The following FAM174A variants were observed in gnomAD, a reference collection of about 807,000 sequenced individuals.
FAM174A encodes the protein membrane protein FAM174A.
Under a neutral mutation model 14.3 loss-of-function variants are expected in FAM174A, and 14 were observed. The ratio of observed to expected loss-of-function variants is 0.98; its 90% confidence interval spans 0.65 to 1.53. The LOEUF is 1.53. Ranked by LOEUF, FAM174A falls within the 40% of genes most tolerant of loss-of-function variation. The pLI is 0.00. For missense variants in FAM174A, 241 were observed against 249.6 expected, an observed-to-expected ratio of 0.97 and a Z score of 0.23; for synonymous variants, 108 against 111.4, an observed-to-expected ratio of 0.97 and a Z score of 0.19.
At chr5:100,556,044 T>C (rs1746371779) in intron 1 of FAM174A, among the ~76,000 whole-genome samples, 1 of 152,226 alleles carries the variant, frequency 6.6e-6, no homozygotes, top group Admixed American at 6.5e-5. Flanking sequence ...TGGTATTGCC[T>C]AGGTTTTCTT....
chr5:100,569,645 G>A (rs1010964017), intron 2 of FAM174A, among the ~76,000 whole-genome samples: 2 of 151,816 alleles, frequency 1.3e-5, no homozygotes, highest in African/African-American at 4.8e-5. Flanking sequence ...AATTGAAGGT[G>A]CCTATAAGAT....
chr5:100,565,368 A>G (rs891491412), intron 2 of FAM174A, among the ~76,000 whole-genome samples: 7 of 152,072 alleles, frequency 4.6e-5, no homozygotes, highest in African/African-American at 1.7e-4. Context: ...GATAATCATC[A>G]GAGTGAAAAG....
intron 1 of FAM174A, among the ~76,000 whole-genome samples, chr5:100,541,397 A>G (rs1006931539): frequency 9.2e-5 from 14 of 152,172 alleles, no homozygotes; most frequent in African/African-American, 3.4e-4. Flanking sequence ...CTAAATATTT[A>G]TCTCTAATCA....
intron 1 of FAM174A, among the ~76,000 whole-genome samples, chr5:100,552,758 G>T (rs930160860): frequency 1.3e-5 from 2 of 152,062 alleles, no homozygotes; most frequent in African/African-American, 4.8e-5. Flanking sequence ...ACTAACCTGA[G>T]TGTATTGGAA....
intron 2 of FAM174A, among the ~76,000 whole-genome samples, chr5:100,566,174 A>G (rs1019772569): frequency 2.8e-5 from 4 of 141,770 alleles, no homozygotes; most frequent in Non-Finnish European, 4.6e-5. Flanking sequence ...ATATATATGT[A>G]CATATAATAT....
At chr5:100,539,333 A>ATGT (rs1580361397) in intron 1 of FAM174A, among the ~76,000 whole-genome samples, 2 of 152,194 alleles carry the variant, frequency 1.3e-5, no homozygotes, top group East Asian at 3.8e-4. Context: ...ATAGATAAGT[A>ATGT]CATAAAGGAT....
In FAM174A at chr5:100,562,040, G is replaced by T. The variant is rs761383534; in HGVS notation, c.435-14G>T. ...TTAAATAATTTTTATTCATTAATTT[G>T]TTCTATTTGATAGGATGAGAAGAAG... On this transcript the variant is annotated splice_polypyrimidine_tract_variant and intron_variant, in intron 1 of 2. Transcript: ENST00000312637. The T allele has an allele frequency of 1.1e-5, 16 of 1,458,138 alleles. 1 individual carries two copies. Among genetic ancestry groups the T allele is most frequent in the Middle Eastern group, 1.8e-4 (1 of 5,516 alleles). 90.3% of individuals were successfully genotyped at this position (1,458,138 alleles called of 1,614,324 possible). A position where few individuals can be genotyped will look rare whatever the true frequency, so the allele number is the denominator to read the frequency against.
intron 1 of FAM174A, among the ~76,000 whole-genome samples, chr5:100,536,835 C>A (rs948742103): frequency 6.6e-5 from 10 of 152,092 alleles, no homozygotes; most frequent in African/African-American, 2.4e-4. Context: ...TTAAACAAGT[C>A]GTTATTATCA....
At chr5:100,572,338 T>C (rs1201677859) in intron 2 of FAM174A, among the ~76,000 whole-genome samples, 1 of 150,896 alleles carries the variant, frequency 6.6e-6, no homozygotes, top group Non-Finnish European at 1.5e-5. Flanking sequence ...GCCATGCTGG[T>C]GCGCTGCACC....
intron 1 of FAM174A, among the ~76,000 whole-genome samples, chr5:100,538,406 TA>T (rs1235299260): frequency 1.3e-5 from 2 of 152,192 alleles, no homozygotes; most frequent in Non-Finnish European, 2.9e-5. Context: ...GTTTTGTTTT[TA>T]TCTAATTCAT....
At chr5:100,582,841 A>C (rs1345223808) in intron 2 of FAM174A, among the ~76,000 whole-genome samples, 1 of 152,140 alleles carries the variant, frequency 6.6e-6, no homozygotes, top group Non-Finnish European at 1.5e-5. Flanking sequence ...AAATAACTGT[A>C]TTTATAGGAA....
chr5:100,556,500 G>T (rs1167408546), intron 1 of FAM174A, among the ~76,000 whole-genome samples: 4 of 152,114 alleles, frequency 2.6e-5, no homozygotes, highest in African/African-American at 9.7e-5. Flanking sequence ...TAGCTTGATG[G>T]GGATGGCATT....
Position 100,586,449 on chromosome 5 carries a change from G to A in FAM174A, c.*265G>A, listed in dbSNP as rs768410385. 7.1e-5 allele frequency: 17 copies of A among 238,300 alleles called. No homozygotes were observed. Among genetic ancestry groups the A allele is most frequent in the Admixed American group, 1.1e-4 (2 of 17,746 alleles). 14.8% of individuals were successfully genotyped at this position (238,300 alleles called of 1,614,324 possible). A position where few individuals can be genotyped will look rare whatever the true frequency, so the allele number is the denominator to read the frequency against. ...ATCTGTTTGAAAATTACTATAAAAC[G>A]GTGTTTTCTGATCGGTTTTTGTTTC... On this transcript the variant is annotated 3_prime_UTR_variant, in exon 3 of 3. Transcript: ENST00000312637.
At chr5:100,582,924 AT>A (rs1484505436) in intron 2 of FAM174A, among the ~76,000 whole-genome samples, 1 of 152,158 alleles carries the variant, frequency 6.6e-6, no homozygotes, top group African/African-American at 2.4e-5. Flanking sequence ...ACAGTCAAAA[AT>A]CCACGTGTAA....
Position 100,535,376 on chromosome 5 carries a change from C to G in FAM174A, c.-155C>G. The G allele has an allele frequency of 1.3e-6, 1 of 752,130 alleles. No individual in the cohort carries two copies. Among genetic ancestry groups the G allele is most frequent in the Non-Finnish European group, 2.2e-6 (1 of 460,592 alleles). The allele number at this position is 752,130 out of a possible 1,614,324, so 46.6% of individuals were successfully genotyped here. ...TACGAACTTCCGGTTCTCCGGGCAGCTGCCACTGCTGTAGCTTCTGCCACC... is the reference window on the plus strand; with the variant it reads ...TACGAACTTCCGGTTCTCCGGGCAGGTGCCACTGCTGTAGCTTCTGCCACC... On this transcript the variant is annotated 5_prime_UTR_variant, in exon 1 of 3. Coordinates refer to ENST00000312637, the MANE Select transcript of FAM174A (RefSeq NM_198507.3).
intron 2 of FAM174A, among the ~76,000 whole-genome samples, chr5:100,568,493 A>G (rs1281634407): frequency 6.6e-6 from 1 of 151,550 alleles, no homozygotes; most frequent in Admixed American, 6.6e-5. Flanking sequence ...ACCTGTGTCC[A>G]TGTGCTTGCT....
chr5:100,536,772 A>G (rs1419691726), intron 1 of FAM174A, among the ~76,000 whole-genome samples: 2 of 152,196 alleles, frequency 1.3e-5, no homozygotes, highest in African/African-American at 2.4e-5. Context: ...TACCCTCTGT[A>G]TTGTAATTTA....
At chr5:100,538,075 C>T (rs1411362824) in intron 1 of FAM174A, among the ~76,000 whole-genome samples, 1 of 152,196 alleles carries the variant, frequency 6.6e-6, no homozygotes, top group African/African-American at 2.4e-5. Context: ...CTTTAACCAG[C>T]ATCTAACATA....
chr5:100,553,060 A>G (rs1746296021), intron 1 of FAM174A, among the ~76,000 whole-genome samples: 1 of 152,060 alleles, frequency 6.6e-6, no homozygotes, highest in Non-Finnish European at 1.5e-5. Context: ...ATCTTTGTCT[A>G]TATCTACATG....
Sources: allele counts gnomAD v4.1 joint callset (sites outside exome capture counted in the v4.1 genomes callset), GRCh38; gene constraint gnomAD v4.1.1; transcripts MANE v1.5; gene names NCBI Gene and HGNC (gene_info 2026-07-23, HGNC 2026-07-21).